Variants in FAM153A observed in about 807,000 individuals in gnomAD.
The protein encoded by FAM153A is family with sequence similarity 153 member A.
Under a neutral mutation model 48.1 loss-of-function variants are expected in FAM153A, and 12 were observed. That is an observed-to-expected ratio of 0.25 (90% CI 0.16 to 0.40). The LOEUF (loss-of-function observed/expected upper bound fraction) is 0.40, where lower values mean the gene tolerates loss of function less well. Among genes scored for constraint, FAM153A ranks in the 10% least tolerant of loss-of-function variants. The pLI is 1.00. For synonymous variants in FAM153A, 36 were observed against 118.2 expected (o/e 0.30, Z 4.51); for missense variants, 111 against 345.8 (o/e 0.32, Z 5.38).
chr5:177,746,902 T>A (rs1281629787), intron 4 of FAM153A, among the ~76,000 whole-genome samples: 22 of 146,972 alleles, frequency 1.5e-4, no homozygotes, highest in African/African-American at 5.3e-4. Context: ...GGTGATGATC[T>A]CATTAAATAT....
downstream of FAM153A, among the ~76,000 whole-genome samples, chr5:177,705,658 CTTTTTT>C (rs70994931): frequency 2.5e-4 from 20 of 79,838 alleles, no homozygotes; most frequent in Admixed American, 6.6e-4. Flanking sequence ...TTTTCTTTTT[CTTTTTT>C]TTTTTTTTTT....
In FAM153A at chr5:177,747,915, T is replaced by C. The variant is rs1048070411; in HGVS notation, c.235-122A>G. The C allele has an allele frequency of 7.4e-6, 3 of 403,558 alleles. No individual in the cohort carries two copies. In the African/African-American group the frequency reaches 9.4e-5, roughly 13 times the overall value. 25.0% of individuals were successfully genotyped at this position (403,558 alleles called of 1,614,324 possible). On this transcript the variant is annotated intron_variant, in intron 3 of 20. Coordinates refer to ENST00000614127, the Ensembl canonical transcript of FAM153A. ...TCTTTCTTTCTTTCCTTTCTTTTCT[T>C]TCTTTTTCTTTCTTTCTCTTTTTCT...
At chr5:177,756,071 G>T (rs1220009675), upstream of FAM153A, among the ~76,000 whole-genome samples, 6 of 148,876 alleles carry the variant, frequency 4.0e-5, 1 homozygote, top group Non-Finnish European at 7.4e-5. Flanking sequence ...ATCCATCAGT[G>T]TGCTATATTC....
downstream of FAM153A, chr5:177,718,684 G>T: frequency 7.5e-6 from 1 of 132,502 alleles, no homozygotes; most frequent in East Asian, 2.1e-4. Context: ...AAAGGGCTGA[G>T]ATATAAATGA....
upstream of FAM153A, among the ~76,000 whole-genome samples, chr5:177,755,312 C>A (rs1767611436): frequency 6.6e-6 from 1 of 151,690 alleles, no homozygotes; most frequent in South Asian, 2.1e-4. Context: ...ACAAACAAAG[C>A]CTCCAAGAAA....
At chr5:177,738,282 T>C (rs1765007575) in intron 10 of FAM153A, among the ~76,000 whole-genome samples, 1 of 151,384 alleles carries the variant, frequency 6.6e-6, no homozygotes, top group African/African-American at 2.5e-5. Flanking sequence ...ATAACACGCC[T>C]GATTATTTTC....
chr5:177,751,458 CT>C (rs1401277293), intron 1 of FAM153A, among the ~76,000 whole-genome samples: 1 of 118,514 alleles, frequency 8.4e-6, no homozygotes, highest in Admixed American at 8.7e-5. Context: ...CGGGTGCTTC[CT>C]AAGTGCCACA....
downstream of FAM153A, among the ~76,000 whole-genome samples, chr5:177,703,366 G>T: frequency 6.6e-6 from 1 of 151,846 alleles, no homozygotes; most frequent in Non-Finnish European, 1.5e-5. Context: ...TTTGGAATGG[G>T]AATATTTACC....
At chr5:177,753,858 G>C (rs1180736364), upstream of FAM153A, among the ~76,000 whole-genome samples, 1 of 151,846 alleles carries the variant, frequency 6.6e-6, no homozygotes, top group East Asian at 1.9e-4. Flanking sequence ...ATAGGGGGTG[G>C]AGCCAAGATG....
chr5:177,761,432 G>A lies in FAM153A; in HGVS notation c.-56-12733C>T, dbSNP rs1299032843. ...TGCAGGGCTCCAGAGCCCTCCCCTG[G>A]CCGACTACATCATGCACTGGCCCTA... On this transcript the variant is annotated intron_variant, in intron 1 of 8. Coordinates refer to the FAM153A transcript ENST00000393518. 2.0e-5 allele frequency among the ~76,000 whole-genome samples: 3 copies of A among 152,036 alleles called. No individual in the cohort carries two copies. The East Asian group carries it at 5.8e-4, about 29-fold the overall frequency.
rs1185975759 is a variant in FAM153A, at chr5:177,730,222, G to T, written c.863-667C>A. On this transcript the variant is annotated intron_variant, in intron 16 of 20. Transcript: ENST00000614127. The stretch of plus-strand genomic sequence containing the variant: ...CCAGCACTGGGACAGCCTGTCATGG[G>T]GAGCAGCGAGGGGGTGCGGGGGGCG... Among the ~76,000 whole-genome samples the T allele has an allele frequency of 8.7e-5, 10 of 114,924 alleles. 1 individual carries two copies. The highest frequency in any genetic ancestry group is 2.5e-4 in the African/African-American group (9 of 35,376). 75.4% of individuals were successfully genotyped at this position (114,924 alleles called of 152,430 possible).
chr5:177,728,798 C>T (rs1467359191), intron 18 of FAM153A, among the ~76,000 whole-genome samples: 536 of 140,690 alleles, frequency 3.8e-3, no homozygotes, highest in African/African-American at 9.0e-3. Flanking sequence ...AACTCCTGAC[C>T]TCTGCTGATC....
At chr5:177,697,908 C>G in the FAM153A span, among the ~76,000 whole-genome samples, 2 of 147,514 alleles carry the variant, frequency 1.4e-5, no homozygotes, top group African/African-American at 5.0e-5. Flanking sequence ...TGAGTCCTTA[C>G]TGTCCCCCAT....
At position 177,763,936 on chromosome 5, in the gene FAM153A, G is replaced by A. The variant is rs373831525; in HGVS notation, c.-56-15237C>T. ...AGGATAGCTTGGAGTGTTTGGACTC[G>A]GCCCAGAGTAAACAGCTGTGAAGCC... On this transcript the variant is annotated intron_variant, in intron 1 of 8. Transcript: ENST00000393518. Among the ~76,000 whole-genome samples the A allele has an allele frequency of 3.9e-3, 584 of 151,550 alleles. 11 individuals are homozygous for A. The East Asian group carries it at 0.1, about 26-fold the overall frequency.
exon 16 of FAM153A, chr5:177,731,569 T>C: frequency 9.1e-7 from 1 of 1,104,614 alleles, no homozygotes; most frequent in East Asian, 3.6e-5. Flanking sequence ...GAATACGTAC[T>C]CTTTGCCAGC....
Position 177,769,685 on chromosome 5 carries a change from G to A in FAM153A, c.-57+10764C>T, listed in dbSNP as rs1432874778. ...GTTACTCTGGATACTACTCTTCTGG[G>A]GAAGGTGCTGGGTGGTTTCCTTAGT... On this transcript the variant is annotated intron_variant, in intron 1 of 8. Coordinates refer to the FAM153A transcript ENST00000393518. 6.3e-5 allele frequency among the ~76,000 whole-genome samples: 6 copies of A among 95,650 alleles called. 2 individuals carry two copies. The Admixed American group carries it at 6.5e-4, about 10-fold the overall frequency. 62.8% of individuals were successfully genotyped at this position (95,650 alleles called of 152,430 possible).
chr5:177,700,759 A>T, the FAM153A span, among the ~76,000 whole-genome samples: 2 of 151,848 alleles, frequency 1.3e-5, no homozygotes, highest in African/African-American at 4.9e-5. Context: ...CCAAGATCAC[A>T]CCATTGCACT....
At chr5:177,716,825 G>A (rs550007200) in intron 24 of FAM153A, among the ~76,000 whole-genome samples, 1 of 151,868 alleles carries the variant, frequency 6.6e-6, no homozygotes, top group Non-Finnish European at 1.5e-5. Flanking sequence ...GTGAGACAGG[G>A]TCTTGCTCTG....
In FAM153A at chr5:177,735,204, C is replaced by A. The variant is rs538028134; in HGVS notation, c.665-271G>T. 1.8e-4 allele frequency among the ~76,000 whole-genome samples: 27 copies of A among 150,132 alleles called. No individual in the cohort carries two copies. The East Asian group carries it at 5.0e-3, about 28-fold the overall frequency. ...CCTAATCTGACCTGAGCTAACTTGC[C>A]CTCTTATTGATCCCTGACAAAGTCA... On this transcript the variant is annotated intron_variant, in intron 12 of 20. Transcript: ENST00000614127.
Sources: gnomAD v4.1 joint callset for allele counts (sites outside exome capture counted in the v4.1 genomes callset) on GRCh38, gnomAD v4.1.1 for gene constraint, MANE v1.5 for transcripts, NCBI Gene and HGNC (gene_info 2026-07-23, HGNC 2026-07-21) for gene names.